Variants in RABL2B observed in about 807,000 individuals in gnomAD.
RABL2B encodes the protein RAB, member of RAS oncogene family like 2B, also known as rab-like protein 2B.
Under a neutral mutation model 26.7 loss-of-function variants are expected in RABL2B, and 17 were observed. That is an observed-to-expected ratio of 0.64 (90% confidence interval 0.44 to 0.95). The LOEUF is 0.95. RABL2B is among the 40% of genes least tolerant of loss of function. The probability of loss-of-function intolerance (pLI) is 0.00; values close to 1 mark genes in which losing one functional copy is unlikely to be tolerated. For synonymous variants in RABL2B, 70 were observed against 103.9 expected, an observed-to-expected ratio of 0.67 and a Z score of 1.99; for missense variants, 170 against 277.2, an observed-to-expected ratio of 0.61 and a Z score of 2.75.
At position 50,770,293 on chromosome 22, in the gene RABL2B, A is replaced by G. The variant is rs1393549065; in HGVS notation, c.298-277T>C. ...CACTTTGGGAGGTTGAGGTGGGTCA[A>G]TCACCTGAGGTCAGGAGTTTGAGAC... On this transcript the variant is annotated intron_variant, in intron 5 of 8. Transcript: ENST00000691320. The G allele has an allele frequency of 2.9e-5, 13 of 441,954 alleles. No homozygotes were observed. In the East Asian group the frequency reaches 5.8e-4, roughly 20 times the overall value. The allele number at this position is 441,954 out of a possible 1,614,324, so 27.4% of individuals were successfully genotyped here. A position where few individuals can be genotyped will look rare whatever the true frequency, so the allele number is the denominator to read the frequency against.
chr22:50,773,988 G>C (rs1322123843), intron 5 of RABL2B, among the ~76,000 whole-genome samples: 1 of 151,962 alleles, frequency 6.6e-6, no homozygotes, highest in Admixed American at 6.6e-5. Flanking sequence ...TCTGCCTCCC[G>C]GGTTCACGCC....
At chr22:50,773,614 G>A (rs1438792459) in intron 5 of RABL2B, among the ~76,000 whole-genome samples, 1 of 151,446 alleles carries the variant, frequency 6.6e-6, no homozygotes, top group African/African-American at 2.4e-5. Flanking sequence ...ATTGAAGCAG[G>A]GCCTGAAAAA....
intron 2 of RABL2B, among the ~76,000 whole-genome samples, chr22:50,779,467 G>T (rs1191627867): frequency 3.3e-5 from 5 of 151,908 alleles, no homozygotes; most frequent in Non-Finnish European, 7.4e-5. Flanking sequence ...GGAGTCACAT[G>T]GTGTGACTTT....
In RABL2B at chr22:50,768,511, G is replaced by C. The variant is rs2083688308; in HGVS notation, c.*265C>G. 1.4e-6 allele frequency: 1 copy of C among 707,778 alleles called. No homozygotes were observed. The highest frequency in any genetic ancestry group is 2.2e-6 in the Non-Finnish European group (1 of 446,796). The allele number at this position is 707,778 out of a possible 1,614,324, so 43.8% of individuals were successfully genotyped here. ...GATTCTCTTCACTGTCTGCCTGCGG[G>C]GAGGGGGTGGGGAAGGTGTTAATGA... On this transcript the variant is annotated 3_prime_UTR_variant, in exon 9 of 9. Transcript: ENST00000691320.
At chr22:50,770,814 A>G (rs1555917763) in intron 5 of RABL2B, among the ~76,000 whole-genome samples, 2 of 151,620 alleles carry the variant, frequency 1.3e-5, no homozygotes. Context: ...CAGTGGCTCA[A>G]TCACAGCTCA....
At chr22:50,777,087 C>G (rs1323828927) in intron 3 of RABL2B, among the ~76,000 whole-genome samples, 2 of 152,160 alleles carry the variant, frequency 1.3e-5, no homozygotes, top group African/African-American at 4.8e-5. Flanking sequence ...ATGGATGGAG[C>G]TTTCGCAGGC....
In RABL2B at chr22:50,769,129, G is replaced by A; in HGVS notation, c.508-5C>T. ...TCGAATTGCATCATTGAAGAGCTGG[G>A]GGTGAGGTAGAGATGGTGGATGAGA... On this transcript the variant is annotated splice_region_variant and splice_polypyrimidine_tract_variant and intron_variant, in intron 7 of 8. Coordinates refer to ENST00000691320, the MANE Select transcript of RABL2B (RefSeq NM_001130919.3). 2 of 734,158 alleles carry A rather than the reference G, an allele frequency of 2.7e-6. No homozygotes were observed. The highest frequency in any genetic ancestry group is 2.3e-6 in the Non-Finnish European group (1 of 439,884). The allele number at this position is 734,158 out of a possible 1,614,324, so 45.5% of individuals were successfully genotyped here.
chr22:50,770,056 A>G, intron 5 of RABL2B, 40 bp from the exon 6 acceptor site: 7 of 1,613,058 alleles, frequency 4.3e-6, no homozygotes, highest in Non-Finnish European at 5.9e-6. Context: ...CAGGTATGTC[A>G]ATGTTTCTGC....
chr22:50,781,834 C>T (rs1423101063), intron 2 of RABL2B, among the ~76,000 whole-genome samples: 4 of 150,552 alleles, frequency 2.7e-5, no homozygotes, highest in Non-Finnish European at 5.9e-5. Flanking sequence ...GCATCTTTAC[C>T]ACCTTTACCC....
intron 5 of RABL2B, chr22:50,772,071 C>G (rs1204902684): frequency 3.3e-5 from 5 of 152,148 alleles, no homozygotes; most frequent in African/African-American, 1.2e-4. Flanking sequence ...GTGGCGGTAT[C>G]TTGGCTCACT....
chr22:50,772,437 G>T (rs1282265881), intron 5 of RABL2B: 1 of 985,978 alleles, frequency 1.0e-6, no homozygotes, highest in East Asian at 1.1e-4. Context: ...GAGCCTTCAT[G>T]CCCTTCACAG....
chr22:50,782,577 G>A (rs2086070404), intron 1 of RABL2B, among the ~76,000 whole-genome samples: 2 of 151,956 alleles, frequency 1.3e-5, no homozygotes, highest in African/African-American at 4.8e-5. Flanking sequence ...TTACCCATTT[G>A]CACAAGACAT....
In RABL2B at chr22:50,768,703, C is replaced by T; in HGVS notation, c.*73G>A. ...AGAGGGGATGGCCTAGAGAGTTTCT[C>T]CATTCAGAGCTGGAGAGTTGTTGAA... On this transcript the variant is annotated 3_prime_UTR_variant, in exon 9 of 9. Coordinates refer to ENST00000691320, the MANE Select transcript of RABL2B (RefSeq NM_001130919.3). The T allele has an allele frequency of 6.7e-7, 1 of 1,501,784 alleles. No homozygotes were observed. The highest frequency in any genetic ancestry group is 8.9e-7 in the Non-Finnish European group (1 of 1,127,906). 93.0% of individuals were successfully genotyped at this position (1,501,784 alleles called of 1,614,324 possible).
At chr22:50,770,097 G>T in intron 5 of RABL2B, 81 bp from the exon 6 acceptor site, 2 of 1,600,452 alleles carry the variant, frequency 1.2e-6, no homozygotes, top group Non-Finnish European at 1.7e-6. Flanking sequence ...ACACACCCAA[G>T]CAGGTAAGCA....
intron 5 of RABL2B, chr22:50,770,235 G>A (rs2083939457): frequency 3.6e-6 from 2 of 556,044 alleles, no homozygotes; most frequent in South Asian, 3.9e-5. Flanking sequence ...CTTATTCTTG[G>A]CCCAGTGCAG....
At chr22:50,775,740 G>A (rs782581304) in intron 5 of RABL2B, 32 bp downstream of exon 5, 4 of 1,613,658 alleles carry the variant, frequency 2.5e-6, no homozygotes. Flanking sequence ...GACTTGCCCA[G>A]TGCCTTTGTC....
chr22:50,778,035 C>T (rs555470598), intron 2 of RABL2B, 54 bp from the exon 3 acceptor site: 1 of 1,613,978 alleles, frequency 6.2e-7, no homozygotes, highest in East Asian at 2.2e-5. Flanking sequence ...CTCCCTCGTC[C>T]CAGACTTTTT....
At chr22:50,776,231 G>A (rs1417014941) in intron 4 of RABL2B, among the ~76,000 whole-genome samples, 1 of 152,194 alleles carries the variant, frequency 6.6e-6, no homozygotes, top group Non-Finnish European at 1.5e-5. Context: ...CAGGCAGGCT[G>A]TGTGCCCGGC....
rs1555915828 is a variant in RABL2B at position 50,768,798 on chromosome 22, T to C, written c.668A>G (p.Glu223Gly). The change falls in exon 9 of 9, where the codon GAG becomes GGG. Residue 223 changes from glutamate to glycine, a missense_variant. Glu to Gly is a moderately conservative substitution (Grantham distance 98). Coordinates refer to ENST00000691320, the MANE Select transcript of RABL2B (RefSeq NM_001130919.3). ...CCCTCAGCTGTGGGGAGAGGCCGCC[T>C]CCTCTGATGGGGTCTCGATGCTGCT... ...QSSSIETPSEEAASPHS is the reference protein window; with the variant it reads ...QSSSIETPSEGAASPHS 5.6e-6 allele frequency: 9 copies of C among 1,613,802 alleles called. No individual in the cohort carries two copies. In the South Asian group the frequency reaches 8.8e-5, roughly 16 times the overall value.
Sources: gnomAD v4.1 joint callset for allele counts (sites outside exome capture counted in the v4.1 genomes callset) on GRCh38, gnomAD v4.1.1 for gene constraint, MANE v1.5 for transcripts, NCBI Gene and HGNC (gene_info 2026-07-23, HGNC 2026-07-21) for gene names.